The following TXNRD1 variants were observed in gnomAD, a reference collection of about 807,000 sequenced individuals.
TXNRD1 encodes the protein thioredoxin reductase 1, cytoplasmic.
In TXNRD1, 57 loss-of-function variants were observed where a neutral mutation model predicts 80.3. The observed-to-expected ratio is 0.71, with a 90% CI of 0.57 to 0.89. The LOEUF (loss-of-function observed/expected upper bound fraction) is 0.89. TXNRD1 is among the 40% of genes least tolerant of loss of function. The pLI is 0.00. For synonymous variants in TXNRD1, 291 were observed against 285.2 expected (o/e 1.02, Z -0.20); for missense variants, 730 against 803.0 (o/e 0.91, Z 1.10).
At chr12:104,315,438 G>A (rs181231120) in intron 6 of TXNRD1, among the ~76,000 whole-genome samples, 4 of 152,290 alleles carry the variant, frequency 2.6e-5, no homozygotes, top group Admixed American at 2.6e-4. Context: ...GAGAAAAATC[G>A]TAAGTCGGGT....
In TXNRD1 at chr12:104,326,414, T is replaced by C. The variant is rs956191162; in HGVS notation, c.1376T>C (p.Ile459Thr). ...KIGLETVGVK[I>T]NEKTGKIPVT... is the part of the protein sequence containing the mutation. ...GGCTTAGAAACCGTAGGGGTGAAGA[T>C]AAATGAAAAGTAAGAAAAAAATCTT... The change falls in exon 12 of 17, where the codon ATA (isoleucine) becomes ACA (threonine). Residue 459 changes from isoleucine (I) to threonine (T), a missense_variant. Ile to Thr is a moderately conservative substitution (Grantham distance 89). Transcript: ENST00000525566. 7 of 1,537,652 alleles carry C rather than the reference T, an allele frequency of 4.6e-6. No individual in the cohort carries two copies. The highest frequency in any genetic ancestry group is 4.7e-5 in the East Asian group (2 of 42,826).
At chr12:104,251,802 A>G (rs2033124260) in intron 2 of TXNRD1, 124 bp downstream of exon 2, 1 of 1,088,388 alleles carries the variant, frequency 9.2e-7, no homozygotes, top group Admixed American at 2.2e-5. Flanking sequence ...GCGGTGGCTC[A>G]CACCTGTAAT....
chr12:104,245,517 CAAAAAAAAAAAAAAAA>C (rs10622971), intron 1 of TXNRD1, among the ~76,000 whole-genome samples: 1 of 29,262 alleles, frequency 3.4e-5, no homozygotes, highest in Admixed American at 7.4e-4. Flanking sequence ...AACTCCATCT[CAAAAAAAAAAAAAAAA>C]AAAAAAAAAG....
chr12:104,286,406 C>G (rs569393508), intron 3 of TXNRD1, among the ~76,000 whole-genome samples: 1 of 152,062 alleles, frequency 6.6e-6, no homozygotes, highest in East Asian at 1.9e-4. Flanking sequence ...AAGAGGTGCT[C>G]TCAGGGGAAG....
chr12:104,316,554 T>C (rs1317354758), intron 7 of TXNRD1, among the ~76,000 whole-genome samples: 1 of 152,118 alleles, frequency 6.6e-6, no homozygotes, highest in Non-Finnish European at 1.5e-5. Context: ...CACGCCTGGC[T>C]AATTTTTTGC....
chr12:104,217,632 A>G (rs1346828259), intron 1 of TXNRD1, among the ~76,000 whole-genome samples: 6 of 152,136 alleles, frequency 3.9e-5, no homozygotes, highest in Admixed American at 3.9e-4. Context: ...TTTTAAGTAT[A>G]CAGTTTTCAG....
At chr12:104,322,407 GT>G in intron 10 of TXNRD1, among the ~76,000 whole-genome samples, 1 of 62,500 alleles carries the variant, frequency 1.6e-5, no homozygotes, top group Non-Finnish European at 3.0e-5. Context: ...TTGAGACGGA[GT>G]TTTGCTTTGT....
chr12:104,239,541 A>G (rs2032814641), intron 1 of TXNRD1, among the ~76,000 whole-genome samples: 2 of 150,616 alleles, frequency 1.3e-5, no homozygotes, highest in Non-Finnish European at 2.9e-5. Flanking sequence ...CAAGATTATA[A>G]GTCTATTTAG....
Position 104,252,673 on chromosome 12 carries a change from T to C in TXNRD1, c.243+995T>C, listed in dbSNP as rs1480189752. Among the ~76,000 whole-genome samples, 221 of 112,278 alleles carry C rather than the reference T, an allele frequency of 2.0e-3. 7 individuals carry two copies. The highest frequency in any genetic ancestry group is 7.9e-3 in the African/African-American group (215 of 27,244). The allele number at this position is 112,278 out of a possible 152,430, so 73.7% of individuals were successfully genotyped here. ...TAATTTATTATTTTTTATATATATA[T>C]ATATATATATATATATATTTTTTTT... On this transcript the variant is annotated intron_variant, in intron 2 of 16. Transcript: ENST00000525566.
At chr12:104,331,669 G>C in intron 14 of TXNRD1, 28 bp downstream of exon 14, 1 of 1,424,546 alleles carries the variant, frequency 7.0e-7, no homozygotes, top group Non-Finnish European at 9.8e-7. Context: ...TTTCTCCTAT[G>C]TTATATCACT....
chr12:104,227,226 G>T (rs1772398850), intron 1 of TXNRD1, among the ~76,000 whole-genome samples: 1 of 151,854 alleles, frequency 6.6e-6, no homozygotes, highest in Admixed American at 6.6e-5. Context: ...AAATAAAATA[G>T]ATTTTTGGTG....
chr12:104,227,047 G>A (rs960912889), intron 1 of TXNRD1, among the ~76,000 whole-genome samples: 1 of 152,082 alleles, frequency 6.6e-6, no homozygotes. Flanking sequence ...TTTGGGTAGA[G>A]GAATTTGCTA....
intron 13 of TXNRD1, among the ~76,000 whole-genome samples, chr12:104,329,959 G>T (rs546070345): frequency 6.6e-6 from 1 of 152,210 alleles, no homozygotes; most frequent in Non-Finnish European, 1.5e-5. Flanking sequence ...TCACAGGCTT[G>T]CACTGCCTCT....
chr12:104,250,681 T>C (rs2033099864), intron 1 of TXNRD1, among the ~76,000 whole-genome samples: 1 of 152,160 alleles, frequency 6.6e-6, no homozygotes, highest in African/African-American at 2.4e-5. Flanking sequence ...TCTGGATAAA[T>C]ACAAATATCA....
rs1565870126 is a variant in TXNRD1, at chr12:104,267,673, C to CTTTCTTTG, written c.304+9601_304+9602insGTTTCTTT. 7.8e-3 allele frequency among the ~76,000 whole-genome samples: 491 copies of CTTTCTTTG among 63,334 alleles called. 3 individuals carry two copies. Among genetic ancestry groups the CTTTCTTTG allele is most frequent in the Middle Eastern group, 0.011 (2 of 180 alleles). 41.5% of individuals were successfully genotyped at this position (63,334 alleles called of 152,430 possible). A position where few individuals can be genotyped will look rare whatever the true frequency, so the allele number is the denominator to read the frequency against. ...TCTTTCTTTCTTTCTTTCTTTCTTT[C>CTTTCTTTG]TTTCTTTCTTTCTTTCTTTCTTTCT... On this transcript the variant is annotated intron_variant, in intron 3 of 16. Coordinates refer to ENST00000525566, the MANE Select transcript of TXNRD1 (RefSeq NM_001093771.3).
At chr12:104,314,015 T>G (rs1285609067) in intron 6 of TXNRD1, among the ~76,000 whole-genome samples, 1 of 152,188 alleles carries the variant, frequency 6.6e-6, no homozygotes, top group African/African-American at 2.4e-5. Flanking sequence ...TGTCAAAAGG[T>G]GAGGCAGAAC....
chr12:104,270,004 C>T (rs1037322616), intron 3 of TXNRD1, among the ~76,000 whole-genome samples: 2 of 152,176 alleles, frequency 1.3e-5, no homozygotes, highest in African/African-American at 2.4e-5. Context: ...CACCACCATG[C>T]CTGGCCTTCT....
intron 13 of TXNRD1, among the ~76,000 whole-genome samples, chr12:104,328,996 G>A (rs2035863634): frequency 1.3e-5 from 2 of 152,112 alleles, no homozygotes; most frequent in South Asian, 4.1e-4. Context: ...ATTGGTTTCA[G>A]TTGGTTACAG....
chr12:104,278,746 C>G (rs1593743212), intron 3 of TXNRD1, among the ~76,000 whole-genome samples: 1 of 152,264 alleles, frequency 6.6e-6, no homozygotes, highest in East Asian at 1.9e-4. Context: ...CGTGATCCGC[C>G]CGCCTCGGCC....
Sources: gnomAD v4.1 joint callset for allele counts (sites outside exome capture counted in the v4.1 genomes callset) on GRCh38, gnomAD v4.1.1 for gene constraint, MANE v1.5 for transcripts, NCBI Gene and HGNC (gene_info 2026-07-23, HGNC 2026-07-21) for gene names.